ZNF808: variants seen among roughly 807,000 people sequenced by gnomAD.
The protein encoded by ZNF808 is zinc finger protein 808.
A neutral mutation model predicts 8.7 loss-of-function variants in ZNF808; 5 were observed. That is an observed-to-expected ratio of 0.58 (90% CI 0.30 to 1.21). The LOEUF (loss-of-function observed/expected upper bound fraction) is 1.21. Ranked by LOEUF, ZNF808 falls within the 50% of genes most tolerant of loss-of-function variation. ZNF808 has a pLI of 0.07. For synonymous variants in ZNF808, 380 were observed against 366.0 expected (o/e 1.04, Z -0.44); for missense variants, 1,103 against 1,098.4 (o/e 1.00, Z -0.06).
intron 2 of ZNF808, among the ~76,000 whole-genome samples, chr19:52,535,354 A>G (rs1334695137): frequency 1.6e-4 from 23 of 143,276 alleles, no homozygotes; most frequent in South Asian, 1.1e-3. Context: ...AAAAAAAAAA[A>G]AGAGAGAAAA....
intron 2 of ZNF808, among the ~76,000 whole-genome samples, chr19:52,541,802 G>A (rs2059673207): frequency 6.6e-6 from 1 of 151,898 alleles, no homozygotes; most frequent in Non-Finnish European, 1.5e-5. Flanking sequence ...TGCAGGCGTC[G>A]CCCCTGAGCT....
chr19:52,549,121 A>G (rs1600013352), intron 4 of ZNF808, among the ~76,000 whole-genome samples: 2 of 152,222 alleles, frequency 1.3e-5, no homozygotes, highest in South Asian at 4.1e-4. Flanking sequence ...GATTACACAC[A>G]TGCACCACCA....
At chr19:52,537,586 G>T (rs2123097585) in intron 2 of ZNF808, among the ~76,000 whole-genome samples, 1 of 152,148 alleles carries the variant, frequency 6.6e-6, no homozygotes, top group South Asian at 2.1e-4. Flanking sequence ...TACTCTGTAG[G>T]CGGAGGCTGG....
In ZNF808 at chr19:52,554,475, T is replaced by A; in HGVS notation, c.1559T>A (p.Phe520Tyr). The A allele has an allele frequency of 6.2e-7, 1 of 1,614,138 alleles. No individual in the cohort carries two copies. The change falls in exon 5 of 5, where the codon TTC becomes TAC. Residue 520 changes from phenylalanine (F) to tyrosine (Y), a missense_variant. Coordinates refer to ENST00000359798, the MANE Select transcript of ZNF808 (RefSeq NM_001039886.4). ...PYKCNQCGNT[F>Y]RHRASLVYHR... ...AAGTGTAATCAGTGTGGCAATACCT[T>A]CCGTCACCGGGCATCCCTTGTATAC...
At chr19:52,558,475 G>A (rs1568494135), downstream of ZNF808, among the ~76,000 whole-genome samples, 1 of 151,742 alleles carries the variant, frequency 6.6e-6, no homozygotes, top group Non-Finnish European at 1.5e-5. Flanking sequence ...AGGTTCAAGC[G>A]ATTCTTGTGC....
chr19:52,543,289 T>TA lies in ZNF808; in HGVS notation c.6dup (p.Arg3ThrfsTer2), dbSNP rs758731838. Reference sequence around the variant, plus strand: ...AGGATTGATTTCTAAAGACTCATGTTACGTGAGGAAGCAGCTCAGAAGAGG... The same window carrying TA: ...AGGATTGATTTCTAAAGACTCATGTTAACGTGAGGAAGCAGCTCAGAAGAGG... On this transcript the variant is annotated frameshift_variant, in exon 3 of 5. Transcript: ENST00000359798. LOFTEE classifies it high-confidence loss of function. The TA allele has an allele frequency of 5.6e-6, 9 of 1,613,842 alleles. No homozygotes were observed. The highest frequency in any genetic ancestry group is 7.6e-6 in the Non-Finnish European group (9 of 1,179,820).
intron 3 of ZNF808, among the ~76,000 whole-genome samples, chr19:52,546,511 T>G (rs1220494670): frequency 2.0e-5 from 3 of 152,098 alleles, no homozygotes; most frequent in Admixed American, 1.3e-4. Flanking sequence ...AGATTTGGAC[T>G]TTTCTTTCAA....
exon 4 of ZNF808, chr19:52,564,125 A>G (rs866456175): frequency 2.3e-5 from 16 of 686,262 alleles, no homozygotes; most frequent in African/African-American, 9.0e-5. Context: ...GCCAACAACC[A>G]AAAGTAAAAT....
At chr19:52,560,007 T>C (rs910287319), downstream of ZNF808, among the ~76,000 whole-genome samples, 1 of 152,216 alleles carries the variant, frequency 6.6e-6, no homozygotes, top group Non-Finnish European at 1.5e-5. Flanking sequence ...TTGTAAGTAT[T>C]TTTCATTTTT....
chr19:52,527,741 T>TCCGCTTCCCAGGTCCCCG (rs1411546678), intron 1 of ZNF808, 30 bp downstream of exon 1: 2 of 152,898 alleles, frequency 1.3e-5, no homozygotes, highest in East Asian at 3.9e-4. Flanking sequence ...GCATTAAGTC[T>TCCGCTTCCCAGGTCCCCG]CCGCTTCCCA....
chr19:52,529,277 G>C (rs1374807859), intron 1 of ZNF808, among the ~76,000 whole-genome samples: 2 of 152,014 alleles, frequency 1.3e-5, no homozygotes, highest in Admixed American at 6.6e-5. Flanking sequence ...AGCTGCTCTG[G>C]AGGTGGAGGT....
downstream of ZNF808, among the ~76,000 whole-genome samples, chr19:52,567,560 A>G (rs966479250): frequency 2.7e-5 from 4 of 147,846 alleles, no homozygotes; most frequent in African/African-American, 9.9e-5. Context: ...GTTTCACTCT[A>G]GTTCCCTGGG....
Position 52,561,355 on chromosome 19 carries a change from T to A in ZNF808, c.*423-1963T>A, listed in dbSNP as rs73578259. Among the ~76,000 whole-genome samples the A allele has an allele frequency of 2.7e-3, 412 of 152,018 alleles. 1 individual carries two copies. The highest frequency in any genetic ancestry group is 6.8e-3 in the Middle Eastern group (2 of 292). On this transcript the variant is annotated intron_variant and NMD_transcript_variant, in intron 3 of 3. Coordinates refer to the ZNF808 transcript ENST00000487863. ...TGCACCCATTAATTCATCATACTTC[T>A]TTCTGTTCTTGTATTTTCTGTGACT...
At chr19:52,530,721 T>C (rs558561719) in intron 1 of ZNF808, among the ~76,000 whole-genome samples, 48 of 151,700 alleles carry the variant, frequency 3.2e-4, no homozygotes, top group African/African-American at 1.0e-3. Flanking sequence ...TGGTGGCTCA[T>C]TCCTGTAATC....
chr19:52,549,458 A>G (rs2059754225), intron 4 of ZNF808, among the ~76,000 whole-genome samples: 1 of 152,194 alleles, frequency 6.6e-6, no homozygotes, highest in South Asian at 2.1e-4. Context: ...ACTTAATTTA[A>G]GGATGTAAAA....
chr19:52,561,212 C>CTATATATATA (rs374488821), downstream of ZNF808, among the ~76,000 whole-genome samples: 30 of 40,026 alleles, frequency 7.5e-4, 1 homozygote, highest in South Asian at 2.0e-3. Flanking sequence ...CTCTCTCTCT[C>CTATATATATA]TATATATATA....
chr19:52,557,561 C>T (rs779241013), downstream of ZNF808, among the ~76,000 whole-genome samples: 1 of 152,172 alleles, frequency 6.6e-6, no homozygotes, highest in Non-Finnish European at 1.5e-5. Context: ...AGCCATCGTG[C>T]CTGAAGACTC....
chr19:52,565,596 C>CT (rs2059871242), downstream of ZNF808, among the ~76,000 whole-genome samples: 1 of 152,190 alleles, frequency 6.6e-6, no homozygotes, highest in Admixed American at 6.5e-5. Context: ...AGTCAAATGT[C>CT]TGTCTGACTA....
chr19:52,545,851 T>A (rs2059715191), intron 3 of ZNF808, among the ~76,000 whole-genome samples: 1 of 152,148 alleles, frequency 6.6e-6, no homozygotes, highest in African/African-American at 2.4e-5. Flanking sequence ...AGCGACCTTG[T>A]AGGATGCTCC....
Sources: allele counts gnomAD v4.1 joint callset (sites outside exome capture counted in the v4.1 genomes callset), GRCh38; gene constraint gnomAD v4.1.1; transcripts MANE v1.5; gene names NCBI Gene and HGNC (gene_info 2026-07-23, HGNC 2026-07-21).